ASPH: variants seen among roughly 807,000 people sequenced by gnomAD.
ASPH encodes aspartyl/asparaginyl beta-hydroxylase.
Under a neutral mutation model 118.4 loss-of-function variants are expected in ASPH, and 100 were observed. The ratio of observed to expected loss-of-function variants is 0.84; its 90% CI spans 0.72 to 1.00. ASPH has a LOEUF of 1.00. Among genes scored for constraint, ASPH ranks in the 50% least tolerant of loss-of-function variants. The probability of loss-of-function intolerance (pLI) is 0.00; values close to 1 mark genes in which losing one functional copy is unlikely to be tolerated. For synonymous variants in ASPH, 315 were observed against 325.6 expected, an observed-to-expected ratio of 0.97 and a Z score of 0.35; for missense variants, 920 against 919.5, an observed-to-expected ratio of 1.00 and a Z score of -0.01.
At chr8:61,701,694 A>G (rs1835280799) in intron 1 of ASPH, among the ~76,000 whole-genome samples, 1 of 152,200 alleles carries the variant, frequency 6.6e-6, no homozygotes, top group African/African-American at 2.4e-5. Context: ...CAAGAAAATA[A>G]GCATTATATT....
intron 3 of ASPH, chr8:61,661,051 G>T (rs1816636786): frequency 6.6e-6 from 1 of 152,048 alleles, no homozygotes; most frequent in African/African-American, 2.4e-5. Flanking sequence ...TGTGTTTTCA[G>T]GTTGTCACAA....
intron 13 of ASPH, chr8:61,625,314 C>T (rs909413680): frequency 1.0e-5 from 10 of 985,700 alleles, no homozygotes; most frequent in Admixed American, 6.2e-5. Context: ...GCTTTTCACA[C>T]ATCCTCAATC....
chr8:61,547,961 G>T, intron 21 of ASPH, 110 bp downstream of exon 21: 1 of 1,419,218 alleles, frequency 7.0e-7, no homozygotes, highest in South Asian at 1.5e-5. Context: ...AATGTCACTA[G>T]AAATAAAATC....
intron 1 of ASPH, among the ~76,000 whole-genome samples, chr8:61,705,771 C>T (rs1836454346): frequency 6.6e-6 from 1 of 151,922 alleles, no homozygotes; most frequent in African/African-American, 2.4e-5. Flanking sequence ...AAAATTTTAC[C>T]TCAGAGGGAA....
chr8:61,604,528 T>G (rs939731710), intron 14 of ASPH, among the ~76,000 whole-genome samples: 2 of 152,204 alleles, frequency 1.3e-5, no homozygotes, highest in Non-Finnish European at 2.9e-5. Context: ...GACGATCATG[T>G]TTTTTAACAT....
intron 1 of ASPH, among the ~76,000 whole-genome samples, chr8:61,712,127 CATTAATT>C (rs1308514638): frequency 6.6e-6 from 1 of 152,140 alleles, no homozygotes; most frequent in Non-Finnish European, 1.5e-5. Flanking sequence ...CTTCTCTGGG[CATTAATT>C]TCCTCATCTG....
intron 1 of ASPH, among the ~76,000 whole-genome samples, chr8:61,713,598 T>C (rs888378932): frequency 6.6e-6 from 1 of 152,220 alleles, no homozygotes; most frequent in Non-Finnish European, 1.5e-5. Flanking sequence ...CTCTGCTGGA[T>C]ATGCACACGG....
At chr8:61,560,718 T>A (rs1416468517) in intron 18 of ASPH, among the ~76,000 whole-genome samples, 1 of 152,168 alleles carries the variant, frequency 6.6e-6, no homozygotes, top group Admixed American at 6.5e-5. Context: ...ACAGGTAAAT[T>A]TTATTTTTCG....
chr8:61,503,871 C>T (rs1435215513), intron 24 of ASPH, among the ~76,000 whole-genome samples: 1 of 152,168 alleles, frequency 6.6e-6, no homozygotes, highest in Non-Finnish European at 1.5e-5. Context: ...ATCTCTATGC[C>T]TCTCAAGACA....
chr8:61,532,409 T>C (rs1172558538), intron 21 of ASPH, among the ~76,000 whole-genome samples: 1 of 152,222 alleles, frequency 6.6e-6, no homozygotes, highest in Non-Finnish European at 1.5e-5. Flanking sequence ...GTTGCATTAG[T>C]TCCTTCTATA....
Position 61,579,450 on chromosome 8 carries a change from A to G in ASPH, c.1063-2592T>C, listed in dbSNP as rs561411089. The G allele has an allele frequency of 2.6e-5, 42 of 1,609,442 alleles. No homozygotes were observed. The African/African-American group carries it at 4.0e-4, about 15-fold the overall frequency. On this transcript the variant is annotated intron_variant, in intron 15 of 24. Coordinates refer to ENST00000379454, the MANE Select transcript of ASPH (RefSeq NM_004318.4). ...GAAGTCTGGGATGCAGAACATGAGT[A>G]TTCATACGAAGACCACCAGCGGCTA...
At chr8:61,589,323 T>A (rs1029253967) in intron 14 of ASPH, among the ~76,000 whole-genome samples, 3 of 152,214 alleles carry the variant, frequency 2.0e-5, no homozygotes, top group African/African-American at 7.2e-5. Flanking sequence ...GTGAAGACTC[T>A]TACTGTGTAG....
intron 1 of ASPH, 90 bp downstream of exon 1, chr8:61,714,179 C>G: frequency 2.2e-6 from 3 of 1,341,088 alleles, no homozygotes. Context: ...GCGGTGGGAC[C>G]TGGGGAGATG....
intron 21 of ASPH, among the ~76,000 whole-genome samples, chr8:61,526,981 C>T (rs759545367): frequency 6.6e-6 from 1 of 152,116 alleles, no homozygotes; most frequent in South Asian, 2.1e-4. Context: ...TACAGATACA[C>T]CAGAATTTTG....
intron 6 of ASPH, among the ~76,000 whole-genome samples, chr8:61,645,848 G>A (rs1267448870): frequency 6.6e-6 from 1 of 152,134 alleles, no homozygotes; most frequent in African/African-American, 2.4e-5. Flanking sequence ...ATTTAGTATT[G>A]TGCAAAGTAG....
At position 61,579,138 on chromosome 8, in the gene ASPH, A is replaced by C; in HGVS notation, c.1063-2280T>G. On this transcript the variant is annotated intron_variant, in intron 15 of 24. Transcript: ENST00000379454. ...TGACCTGTGGCGCACAAAGACTGAG[A>C]TCTCTGAGATGAACTGGAACATCAG... 5 of 1,611,722 alleles carry C rather than the reference A, an allele frequency of 3.1e-6. No individual in the cohort carries two copies. In the South Asian group the frequency reaches 5.5e-5, roughly 18 times the overall value.
chr8:61,605,464 C>A (rs1845287993), intron 14 of ASPH, among the ~76,000 whole-genome samples: 1 of 152,152 alleles, frequency 6.6e-6, no homozygotes, highest in Non-Finnish European at 1.5e-5. Context: ...AGAAAAAGCT[C>A]AGAGAGGCCA....
At chr8:61,665,670 G>C in intron 3 of ASPH, 1 of 1,460,606 alleles carries the variant, frequency 6.8e-7, no homozygotes. Context: ...CACAGAACAG[G>C]AAGTTAGTGA....
chr8:61,615,365 T>C (rs1848672756), intron 14 of ASPH, among the ~76,000 whole-genome samples: 1 of 152,212 alleles, frequency 6.6e-6, no homozygotes, highest in African/African-American at 2.4e-5. Context: ...CTGCTCATTC[T>C]GTTTTCCTTT....
Sources: allele counts gnomAD v4.1 joint callset (sites outside exome capture counted in the v4.1 genomes callset), GRCh38; gene constraint gnomAD v4.1.1; transcripts MANE v1.5; gene names NCBI Gene and HGNC (gene_info 2026-07-23, HGNC 2026-07-21).